YY1: variants seen among roughly 807,000 people sequenced by gnomAD.
YY1 encodes transcriptional repressor protein YY1.
YY1 carries 2 observed loss-of-function variants against 35.6 expected under a neutral mutation model. That is an observed-to-expected ratio of 0.06 (90% confidence interval 0.02 to 0.18). YY1 has a LOEUF of 0.18. Ranked by LOEUF, YY1 falls within the 10% of genes least tolerant of loss-of-function variation. The probability of loss-of-function intolerance (pLI) is 1.00; values close to 1 mark genes in which losing one functional copy is unlikely to be tolerated. For missense variants in YY1, 322 were observed against 573.4 expected (o/e 0.56, Z 4.48); for synonymous variants, 268 against 238.9 (o/e 1.12, Z -1.12).
At chr14:100,259,137 T>C (rs1175492556) in intron 1 of YY1, among the ~76,000 whole-genome samples, 1 of 152,238 alleles carries the variant, frequency 6.6e-6, no homozygotes, top group Non-Finnish European at 1.5e-5. Context: ...AAGCAAAAAC[T>C]TGCAGTTAGC....
chr14:100,277,329 G>C lies in YY1; in HGVS notation c.1063-89G>C, dbSNP rs1891336722. On this transcript the variant is annotated intron_variant, in intron 4 of 4. Transcript: ENST00000262238. The surrounding 1 kb of genome is among the most constrained non-coding windows in gnomAD (Gnocchi z 5.6). Reference sequence around the variant, plus strand: ...TGAAAAGTGTTTGGTAAAATAAATAGGCTGTTCTCTAGCAAAGCAGTGAGC... The same window carrying C: ...TGAAAAGTGTTTGGTAAAATAAATACGCTGTTCTCTAGCAAAGCAGTGAGC... 1 of 1,452,298 alleles carries C rather than the reference G, an allele frequency of 6.9e-7. No homozygotes were observed. The highest frequency in any genetic ancestry group is 9.7e-7 in the Non-Finnish European group (1 of 1,035,786). 90.0% of individuals were successfully genotyped at this position (1,452,298 alleles called of 1,614,324 possible).
At chr14:100,257,413 C>T (rs1891020060) in intron 1 of YY1, among the ~76,000 whole-genome samples, 1 of 152,160 alleles carries the variant, frequency 6.6e-6, no homozygotes, top group Admixed American at 6.5e-5. Context: ...TGTCTCAGCA[C>T]ACTTGAGACA....
intron 1 of YY1, among the ~76,000 whole-genome samples, chr14:100,250,605 A>C (rs1393619939): frequency 6.6e-6 from 1 of 152,136 alleles, no homozygotes; most frequent in African/African-American, 2.4e-5. Context: ...TGAGGAAATA[A>C]AATGTTTCTT....
intron 1 of YY1, among the ~76,000 whole-genome samples, chr14:100,249,776 G>GT (rs1890897396): frequency 7.4e-6 from 1 of 135,980 alleles, no homozygotes; most frequent in Non-Finnish European, 1.6e-5. Flanking sequence ...TTTTGTTTTT[G>GT]TTTTTGTTTT....
At chr14:100,252,354 A>G (rs1217716546) in intron 1 of YY1, among the ~76,000 whole-genome samples, 1 of 152,226 alleles carries the variant, frequency 6.6e-6, no homozygotes, top group African/African-American at 2.4e-5. Flanking sequence ...CCAGCGGCTT[A>G]TTTATACAAT....
At chr14:100,273,848 A>T (rs1891281903) in intron 2 of YY1, among the ~76,000 whole-genome samples, 1 of 152,186 alleles carries the variant, frequency 6.6e-6, no homozygotes, top group Non-Finnish European at 1.5e-5. Flanking sequence ...AGTTTTGACA[A>T]AAGTCCAAAG....
intron 3 of YY1, 70 bp downstream of exon 3, chr14:100,274,828 C>T: frequency 6.9e-7 from 1 of 1,444,678 alleles, no homozygotes; most frequent in Non-Finnish European, 9.7e-7. Context: ...AAGAAATTTG[C>T]ACTTTTGTTT....
intron 1 of YY1, 26 bp downstream of exon 1, chr14:100,239,949 C>T (rs1276190776): frequency 1.3e-6 from 2 of 1,511,270 alleles, no homozygotes; most frequent in Non-Finnish European, 8.8e-7. Flanking sequence ...GCGCCCCGGC[C>T]CCGGGATGTT....
chr14:100,258,964 A>T (rs1018114803), intron 1 of YY1, among the ~76,000 whole-genome samples: 12 of 152,278 alleles, frequency 7.9e-5, no homozygotes, highest in Admixed American at 5.9e-4. Context: ...GCTGTGTGCT[A>T]AGCAGTTATA....
chr14:100,255,490 G>A (rs1323482030), intron 1 of YY1, among the ~76,000 whole-genome samples: 1 of 152,038 alleles, frequency 6.6e-6, no homozygotes, highest in East Asian at 1.9e-4. Flanking sequence ...GTGGTGGTGT[G>A]CCCCTGTGAT....
intron 1 of YY1, among the ~76,000 whole-genome samples, chr14:100,257,914 T>C (rs911517391): frequency 6.6e-6 from 1 of 152,130 alleles, no homozygotes; most frequent in Admixed American, 6.6e-5. Context: ...CAAGGCGGAT[T>C]GCTTCAGCCC....
chr14:100,239,450 GCCACCACCACCACCACCATCACCA>G lies in YY1; in HGVS notation c.218_241del (p.His73_His80del). 5 of 1,595,192 alleles carry G rather than the reference GCCACCACCACCACCACCATCACCA, an allele frequency of 3.1e-6. No individual in the cohort carries two copies. Among genetic ancestry groups the G allele is most frequent in the Non-Finnish European group, 2.6e-6 (3 of 1,173,194 alleles). On this transcript the variant is annotated inframe_deletion, in exon 1 of 5. Transcript: ENST00000262238. The stretch of plus-strand genomic sequence containing the variant: ...GGCGGGGGCGGCCACGGGCACGCCG[GCCACCACCACCACCACCATCACCA>G]CCACCACCACCCGCCCATGATCGCT...
chr14:100,251,092 A>G (rs1276556708), intron 1 of YY1, among the ~76,000 whole-genome samples: 3 of 152,174 alleles, frequency 2.0e-5, no homozygotes, highest in African/African-American at 4.8e-5. Flanking sequence ...AATGACTCCC[A>G]ATATAGCCAG....
rs180886298 is a variant in YY1, at chr14:100,253,465, T to C, written c.680-8839T>C. On this transcript the variant is annotated intron_variant, in intron 1 of 4. Transcript: ENST00000262238. Reference sequence around the variant, plus strand: ...CAGAGTCTCGCTCTGTTGCCCAGCCTGGAGTGCAGTGGCGTGATCTCGGCT... The same window carrying C: ...CAGAGTCTCGCTCTGTTGCCCAGCCCGGAGTGCAGTGGCGTGATCTCGGCT... Among the ~76,000 whole-genome samples the C allele has an allele frequency of 7.0e-4, 107 of 152,344 alleles. 1 individual carries two copies. The East Asian group carries it at 0.016, about 23-fold the overall frequency.
intron 2 of YY1, among the ~76,000 whole-genome samples, chr14:100,271,115 C>CTAATACAGTTG (rs1488431954): frequency 2.8e-4 from 43 of 152,132 alleles, no homozygotes; most frequent in African/African-American, 1.0e-3. Context: ...GGCATAGTGG[C>CTAATACAGTTG]GGACACCTGT....
At chr14:100,245,412 A>G (rs1028762554) in intron 1 of YY1, among the ~76,000 whole-genome samples, 2 of 152,112 alleles carry the variant, frequency 1.3e-5, no homozygotes, top group African/African-American at 4.8e-5. Flanking sequence ...TTCCTGAGTA[A>G]CTGGGACTAC....
intron 1 of YY1, among the ~76,000 whole-genome samples, chr14:100,249,909 G>T (rs1378485435): frequency 1.3e-5 from 2 of 152,046 alleles, no homozygotes; most frequent in East Asian, 1.9e-4. Context: ...GAGTAGCTGA[G>T]ACTGCAGGTG....
In YY1 at chr14:100,281,158, G is replaced by A. The variant is rs1891423072; in HGVS notation, c.*3558G>A. 1 of 150,970 alleles carries A rather than the reference G, an allele frequency of 6.6e-6. No individual in the cohort carries two copies. Among genetic ancestry groups the A allele is most frequent in the African/African-American group, 2.4e-5 (1 of 40,838 alleles). The allele number at this position is 150,970 out of a possible 1,614,324, so 9.4% of individuals were successfully genotyped here. A position where few individuals can be genotyped will look rare whatever the true frequency, so the allele number is the denominator to read the frequency against. Reference sequence around the variant, plus strand: ...GCAAAGAGAGTTGATCACTTCCAGGGTCTCTGACTTCTGTGACCTGGAAAT... The same window carrying A: ...GCAAAGAGAGTTGATCACTTCCAGGATCTCTGACTTCTGTGACCTGGAAAT... On this transcript the variant is annotated 3_prime_UTR_variant, in exon 5 of 5. Coordinates refer to ENST00000262238, the MANE Select transcript of YY1 (RefSeq NM_003403.5).
At chr14:100,255,068 A>G (rs1341659236) in intron 1 of YY1, among the ~76,000 whole-genome samples, 1 of 145,144 alleles carries the variant, frequency 6.9e-6, no homozygotes, top group Non-Finnish European at 1.5e-5. Context: ...AAGTGCTAGG[A>G]TTACAGATGT....
Sources: allele counts gnomAD v4.1 joint callset (sites outside exome capture counted in the v4.1 genomes callset), GRCh38; gene constraint gnomAD v4.1.1; non-coding constraint Gnocchi (gnomAD v3.1); transcripts MANE v1.5; gene names NCBI Gene and HGNC (gene_info 2026-07-23, HGNC 2026-07-21).